Variants in CRPPA observed in about 807,000 individuals in gnomAD.
The protein encoded by CRPPA is D-ribitol-5-phosphate cytidylyltransferase.
In CRPPA, 43 loss-of-function variants were observed where a neutral mutation model predicts 52.0. That is an observed-to-expected ratio of 0.83 (90% CI 0.65 to 1.07). CRPPA has a LOEUF of 1.07. Among genes scored for constraint, CRPPA ranks in the 50% least tolerant of loss-of-function variants. The pLI is 0.00. For synonymous variants in CRPPA, 250 were observed against 203.5 expected (o/e 1.23, Z -1.94); for missense variants, 629 against 551.7 (o/e 1.14, Z -1.40).
intron 1 of CRPPA, among the ~76,000 whole-genome samples, chr7:16,409,509 G>A (rs148422553): frequency 3.1e-4 from 47 of 152,300 alleles, no homozygotes; most frequent in African/African-American, 1.0e-3. Context: ...AATGATGGTC[G>A]CCTGGGTACC....
chr7:16,392,653 G>A (rs897302634), intron 2 of CRPPA, among the ~76,000 whole-genome samples: 2 of 152,116 alleles, frequency 1.3e-5, no homozygotes, highest in East Asian at 1.9e-4. Context: ...TCAGTTACTT[G>A]ATGAATATAA....
chr7:16,089,393 T>TGTACATAATGTGTATATATGTACGTAC lies in CRPPA; in HGVS notation c.*2275_*2301dup, dbSNP rs1781775679. 1 of 368,990 alleles carries TGTACATAATGTGTATATATGTACGTAC rather than the reference T, an allele frequency of 2.7e-6. No individual in the cohort carries two copies. The highest frequency in any genetic ancestry group is 2.2e-5 in the African/African-American group (1 of 46,492). 22.9% of individuals were successfully genotyped at this position (368,990 alleles called of 1,614,324 possible). A position where few individuals can be genotyped will look rare whatever the true frequency, so the allele number is the denominator to read the frequency against. The stretch of plus-strand genomic sequence containing the variant: ...ATGTACATATATACGTATATATGTA[T>TGTACATAATGTGTATATATGTACGTAC]GTACATAATGTGTATATATGTACGT... On this transcript the variant is annotated 3_prime_UTR_variant, in exon 10 of 10. Coordinates refer to ENST00000407010, the MANE Select transcript of CRPPA (RefSeq NM_001101426.4).
At chr7:16,344,191 G>C (rs141812361) in intron 3 of CRPPA, among the ~76,000 whole-genome samples, 2 of 152,186 alleles carry the variant, frequency 1.3e-5, no homozygotes, top group Non-Finnish European at 2.9e-5. Context: ...ATGTAAAGCA[G>C]CAGAAACATA....
At chr7:16,259,973 AAATTTT>A (rs1783752392) in intron 6 of CRPPA, among the ~76,000 whole-genome samples, 1 of 152,044 alleles carries the variant, frequency 6.6e-6, no homozygotes, top group Non-Finnish European at 1.5e-5. Flanking sequence ...TAAATTTTAA[AAATTTT>A]AGTTCAGTTT....
chr7:16,280,386 C>G (rs1784297107), intron 5 of CRPPA, among the ~76,000 whole-genome samples: 1 of 152,166 alleles, frequency 6.6e-6, no homozygotes, highest in Non-Finnish European at 1.5e-5. Flanking sequence ...TTAGAGAAAT[C>G]TGGGCTTTGT....
chr7:16,171,350 T>C (rs1487916066), intron 9 of CRPPA, among the ~76,000 whole-genome samples: 1 of 152,234 alleles, frequency 6.6e-6, no homozygotes, highest in East Asian at 1.9e-4. Flanking sequence ...TACTTCTCTT[T>C]CTTTTCACCT....
chr7:16,212,638 C>G (rs1027582397), intron 9 of CRPPA, among the ~76,000 whole-genome samples: 1 of 152,178 alleles, frequency 6.6e-6, no homozygotes, highest in Non-Finnish European at 1.5e-5. Context: ...TCCAGAATGT[C>G]TGTGTGTCAG....
At chr7:16,312,275 G>A (rs1036909472) in intron 3 of CRPPA, among the ~76,000 whole-genome samples, 2 of 151,934 alleles carry the variant, frequency 1.3e-5, no homozygotes, top group Non-Finnish European at 2.9e-5. Flanking sequence ...CTCCATTTAT[G>A]TAGTTCTTTG....
intron 8 of CRPPA, among the ~76,000 whole-genome samples, chr7:16,217,810 T>C (rs1488009302): frequency 1.3e-5 from 2 of 151,224 alleles, no homozygotes; most frequent in Non-Finnish European, 2.9e-5. Flanking sequence ...CAAATCTACG[T>C]CTGATTGGTG....
At chr7:16,146,252 C>T (rs920199172) in intron 9 of CRPPA, among the ~76,000 whole-genome samples, 1 of 151,116 alleles carries the variant, frequency 6.6e-6, no homozygotes, top group Non-Finnish European at 1.5e-5. Context: ...TGCAGCAAAG[C>T]TGTCATTCGA....
intron 9 of CRPPA, among the ~76,000 whole-genome samples, chr7:16,180,370 A>G (rs1336476606): frequency 6.6e-6 from 1 of 152,164 alleles, no homozygotes; most frequent in Non-Finnish European, 1.5e-5. Flanking sequence ...ATTAGTAACA[A>G]AACTTACTTG....
At chr7:16,190,337 G>T (rs569587791) in intron 9 of CRPPA, among the ~76,000 whole-genome samples, 1 of 152,254 alleles carries the variant, frequency 6.6e-6, no homozygotes, top group Admixed American at 6.5e-5. Flanking sequence ...TATTTAATGT[G>T]TAATGCACAA....
At chr7:16,168,564 C>T (rs1781115021) in intron 9 of CRPPA, among the ~76,000 whole-genome samples, 1 of 151,682 alleles carries the variant, frequency 6.6e-6, no homozygotes, top group Non-Finnish European at 1.5e-5. Flanking sequence ...CACACACACA[C>T]ACACACACAC....
In CRPPA at chr7:16,104,451, T is replaced by A. The variant is rs185713540; in HGVS notation, c.1252-12652A>T. ...ACAATTAAATGTCTCTCTGAAATGA[T>A]GCTTTTGAGTACAACTAGAAAACAT... On this transcript the variant is annotated intron_variant, in intron 9 of 9. Transcript: ENST00000407010. Among the ~76,000 whole-genome samples the A allele has an allele frequency of 1.5e-3, 222 of 152,330 alleles. 1 individual carries two copies. The highest frequency in any genetic ancestry group is 6.8e-3 in the Middle Eastern group (2 of 294).
intron 3 of CRPPA, among the ~76,000 whole-genome samples, chr7:16,363,443 A>G (rs904312171): frequency 6.6e-6 from 1 of 152,206 alleles, no homozygotes; most frequent in African/African-American, 2.4e-5. Flanking sequence ...AGCATTATAG[A>G]CTTACTGATT....
At chr7:16,104,401 G>C (rs539043143) in intron 9 of CRPPA, among the ~76,000 whole-genome samples, 10 of 152,322 alleles carry the variant, frequency 6.6e-5, no homozygotes, top group Non-Finnish European at 1.5e-4. Flanking sequence ...CATTCTCCAG[G>C]TGGAAAGAAC....
At chr7:16,318,032 TG>T (rs1490493400) in intron 3 of CRPPA, among the ~76,000 whole-genome samples, 1 of 152,184 alleles carries the variant, frequency 6.6e-6, no homozygotes, top group Non-Finnish European at 1.5e-5. Flanking sequence ...ATGGCTCCTC[TG>T]GAATTTTCAT....
chr7:16,128,297 ATTAC>A (rs911189196), intron 9 of CRPPA, among the ~76,000 whole-genome samples: 8 of 152,172 alleles, frequency 5.3e-5, no homozygotes, highest in African/African-American at 1.9e-4. Context: ...TTTAAAAAGT[ATTAC>A]TTGAGAAAAA....
intron 9 of CRPPA, among the ~76,000 whole-genome samples, chr7:16,215,586 T>A (rs149643676): frequency 1.9e-4 from 29 of 152,258 alleles, no homozygotes; most frequent in Admixed American, 7.2e-4. Flanking sequence ...AATAACCTGT[T>A]TAGGGAGATA....
Sources: allele counts gnomAD v4.1 joint callset (sites outside exome capture counted in the v4.1 genomes callset), GRCh38; gene constraint gnomAD v4.1.1; transcripts MANE v1.5; gene names NCBI Gene and HGNC (gene_info 2026-07-23, HGNC 2026-07-21).